ADGRD1: variants seen among roughly 807,000 people sequenced by gnomAD.
The protein encoded by ADGRD1 is G-protein coupled receptor 133.
ADGRD1 carries 77 observed loss-of-function variants against 113.4 expected under a neutral mutation model. The ratio of observed to expected loss-of-function variants is 0.68; its 90% CI spans 0.57 to 0.82. ADGRD1 has a LOEUF of 0.82. Among genes scored for constraint, ADGRD1 ranks in the 40% least tolerant of loss-of-function variants. The pLI is 0.00. For synonymous variants in ADGRD1, 474 were observed against 475.0 expected, an observed-to-expected ratio of 1.00 and a Z score of 0.03; for missense variants, 1,036 against 1,139.1, an observed-to-expected ratio of 0.91 and a Z score of 1.30.
chr12:131,034,818 ATG>A (rs1411252387), intron 13 of ADGRD1, among the ~76,000 whole-genome samples: 1 of 152,078 alleles, frequency 6.6e-6, no homozygotes, highest in Non-Finnish European at 1.5e-5. Flanking sequence ...CACCTTGGAA[ATG>A]TCACTGCACC....
chr12:131,049,412 A>T (rs1283445342), intron 13 of ADGRD1, among the ~76,000 whole-genome samples: 1 of 152,172 alleles, frequency 6.6e-6, no homozygotes, highest in Non-Finnish European at 1.5e-5. Context: ...CGATGTGGAG[A>T]AACGTCTTTT....
At chr12:131,028,485 C>A (rs746793407) in intron 13 of ADGRD1, among the ~76,000 whole-genome samples, 1 of 152,108 alleles carries the variant, frequency 6.6e-6, no homozygotes, top group Non-Finnish European at 1.5e-5. Flanking sequence ...GTATTCAGTG[C>A]TTTTATGTCT....
intron 5 of ADGRD1, among the ~76,000 whole-genome samples, chr12:130,983,058 A>G (rs928871367): frequency 6.6e-6 from 1 of 152,206 alleles, no homozygotes; most frequent in Non-Finnish European, 1.5e-5. Flanking sequence ...CTCTGGACCC[A>G]AACAGGCTGG....
At chr12:131,054,195 A>C (rs1271607154) in intron 13 of ADGRD1, among the ~76,000 whole-genome samples, 1 of 152,228 alleles carries the variant, frequency 6.6e-6, no homozygotes, top group African/African-American at 2.4e-5. Context: ...TTTACCCATA[A>C]AACCATCACC....
chr12:131,122,094 G>A (rs899139374), intron 20 of ADGRD1: 3 of 152,436 alleles, frequency 2.0e-5, no homozygotes, highest in Admixed American at 2.0e-4. Context: ...TGGCTGGTTG[G>A]GCCCGGGCTG....
chr12:131,074,016 C>A (rs534847782), intron 13 of ADGRD1, among the ~76,000 whole-genome samples: 1 of 152,310 alleles, frequency 6.6e-6, no homozygotes, highest in South Asian at 2.1e-4. Flanking sequence ...GCAATACTTA[C>A]ATAAAAGCCA....
intron 21 of ADGRD1, among the ~76,000 whole-genome samples, chr12:131,134,489 G>T (rs2136106164): frequency 6.6e-6 from 1 of 152,386 alleles, no homozygotes; most frequent in East Asian, 1.9e-4. Flanking sequence ...CTCAGTGATT[G>T]ATCCTTTCAG....
rs7294647 is a variant in ADGRD1, at chr12:130,975,365, C to G, written c.310+3785C>G. ...CAGTGAGGACGAGGACTGAGTCTGC[C>G]TTGGCCAGTGATGAGTTCTCAGTGC... On this transcript the variant is annotated intron_variant, in intron 4 of 24. Transcript: ENST00000261654. Among the ~76,000 whole-genome samples the G allele has an allele frequency of 2.3e-3, 344 of 152,292 alleles. 4 individuals are homozygous for G. Among genetic ancestry groups the G allele is most frequent in the African/African-American group, 8.0e-3 (331 of 41,566 alleles).
intron 13 of ADGRD1, among the ~76,000 whole-genome samples, chr12:131,015,791 C>T (rs1451436226): frequency 3.9e-5 from 6 of 152,190 alleles, no homozygotes; most frequent in African/African-American, 1.4e-4. Context: ...TTCCCAGTGA[C>T]TTCTCACCTG....
chr12:130,964,851 G>A (rs1870831354), intron 2 of ADGRD1, among the ~76,000 whole-genome samples: 1 of 152,094 alleles, frequency 6.6e-6, no homozygotes, highest in African/African-American at 2.4e-5. Context: ...ATCATTGAGT[G>A]TGAATCTCCT....
intron 13 of ADGRD1, among the ~76,000 whole-genome samples, chr12:131,076,453 T>G (rs1164744866): frequency 6.6e-6 from 1 of 150,622 alleles, no homozygotes; most frequent in Non-Finnish European, 1.5e-5. Flanking sequence ...TGGTAGGGAG[T>G]GGGGAAGAGC....
At chr12:131,082,382 G>T (rs948170007) in intron 14 of ADGRD1, among the ~76,000 whole-genome samples, 1 of 152,074 alleles carries the variant, frequency 6.6e-6, no homozygotes, top group African/African-American at 2.4e-5. Context: ...CTTTGTTTTC[G>T]CTGAGTCCCT....
At chr12:130,967,516 T>C (rs2136510983) in intron 3 of ADGRD1, 1 of 154,462 alleles carries the variant, frequency 6.5e-6, no homozygotes, top group African/African-American at 2.4e-5. Flanking sequence ...TAGCACGTGC[T>C]TCGGTCGTCC....
intron 12 of ADGRD1, among the ~76,000 whole-genome samples, chr12:131,008,331 C>T (rs1877426974): frequency 6.6e-6 from 1 of 152,250 alleles, no homozygotes; most frequent in Non-Finnish European, 1.5e-5. Context: ...TCCTGCCAGC[C>T]TGCAGGGGAC....
Position 130,984,189 on chromosome 12 carries a change from T to C in ADGRD1, c.490+2126T>C, listed in dbSNP as rs534792416. ...TTTGTAAGAAAAATATTTGGAATGA[T>C]TTACGATCATTAGTTATGATTTTAT... On this transcript the variant is annotated intron_variant, in intron 5 of 24. Coordinates refer to ENST00000261654, the MANE Select transcript of ADGRD1 (RefSeq NM_198827.5). This position sits in a 1 kb window ranked among gnomAD's most constrained non-coding sequence, Gnocchi z 4.1. Among the ~76,000 whole-genome samples, 6 of 152,184 alleles carry C rather than the reference T, an allele frequency of 3.9e-5. No individual in the cohort carries two copies. Among genetic ancestry groups the C allele is most frequent in the Non-Finnish European group, 7.3e-5 (5 of 68,030 alleles).
intron 13 of ADGRD1, among the ~76,000 whole-genome samples, chr12:131,076,425 G>A (rs1223526975): frequency 3.3e-5 from 5 of 152,188 alleles, no homozygotes; most frequent in African/African-American, 9.6e-5. Context: ...TCTCTGAGGA[G>A]CTCCTCCTGC....
rs1044270194 is a variant in ADGRD1 at position 131,057,373 on chromosome 12, C to G, written c.1474-19428C>G. The stretch of plus-strand genomic sequence containing the variant: ...AAAAGGGGCCAGATGGCAGCGGAGC[C>G]GAGTCTGCGCTGCTGTGGCCGTTTC... On this transcript the variant is annotated intron_variant, in intron 13 of 24. Transcript: ENST00000261654. This position sits in a 1 kb window ranked among gnomAD's most constrained non-coding sequence, Gnocchi z 4.2. 6.6e-6 allele frequency among the ~76,000 whole-genome samples: 1 copy of G among 152,150 alleles called. No homozygotes were observed. Among genetic ancestry groups the G allele is most frequent in the African/African-American group, 2.4e-5 (1 of 41,438 alleles).
At position 130,997,547 on chromosome 12, in the gene ADGRD1, G is replaced by A. The variant is rs1018580003; in HGVS notation, c.967-2836G>A. 5.9e-5 allele frequency among the ~76,000 whole-genome samples: 9 copies of A among 151,708 alleles called. 1 individual carries two copies. The South Asian group carries it at 1.0e-3, about 18-fold the overall frequency. ...GATGGGGTCACAGCCGAGCAGAGGC[G>A]CTCCTCACATCCCAGACGGGGCGGC... On this transcript the variant is annotated intron_variant, in intron 8 of 24. Coordinates refer to ENST00000261654, the MANE Select transcript of ADGRD1 (RefSeq NM_198827.5).
At chr12:131,051,754 G>A (rs113336169) in intron 13 of ADGRD1, among the ~76,000 whole-genome samples, 17 of 152,126 alleles carry the variant, frequency 1.1e-4, no homozygotes, top group Admixed American at 3.3e-4. Flanking sequence ...CCAAAGTGCT[G>A]GGATTTCAGG....
Sources: allele counts gnomAD v4.1 joint callset (sites outside exome capture counted in the v4.1 genomes callset), GRCh38; gene constraint gnomAD v4.1.1; non-coding constraint Gnocchi (gnomAD v3.1); transcripts MANE v1.5; gene names NCBI Gene and HGNC (gene_info 2026-07-23, HGNC 2026-07-21).